The following ATF2 variants were observed in gnomAD, a reference collection of about 807,000 sequenced individuals.
ATF2 encodes activating transcription factor 2.
In ATF2, 24 loss-of-function variants were observed where a neutral mutation model predicts 60.6. The ratio of observed to expected loss-of-function variants is 0.40; its 90% confidence interval spans 0.29 to 0.56. The LOEUF is 0.56. Among genes scored for constraint, ATF2 ranks in the 20% least tolerant of loss-of-function variants. The probability of loss-of-function intolerance (pLI) is 0.54; values close to 1 mark genes in which losing one functional copy is unlikely to be tolerated. For missense variants in ATF2, 433 were observed against 607.7 expected (o/e 0.71, Z 3.02); for synonymous variants, 206 against 215.4 (o/e 0.96, Z 0.38).
intron 1 of ATF2, among the ~76,000 whole-genome samples, chr2:175,154,251 A>ATATTTT (rs879448060): frequency 2.7e-5 from 4 of 148,890 alleles, no homozygotes; most frequent in South Asian, 4.2e-4. Context: ...ATATATATAT[A>ATATTTT]TTTTTTACTT....
intron 7 of ATF2, among the ~76,000 whole-genome samples, chr2:175,117,665 G>A (rs1387453798): frequency 6.6e-6 from 1 of 151,918 alleles, no homozygotes; most frequent in African/African-American, 2.4e-5. Context: ...TTTTTGAATA[G>A]ATTCTTAATT....
intron 5 of ATF2, among the ~76,000 whole-genome samples, chr2:175,119,246 T>G (rs1453896621): frequency 6.6e-6 from 1 of 151,524 alleles, no homozygotes; most frequent in African/African-American, 2.4e-5. Context: ...TTGATTAGAG[T>G]TGGTAGCACA....
chr2:175,148,223 C>T (rs1020171909), intron 2 of ATF2, among the ~76,000 whole-genome samples: 7 of 152,042 alleles, frequency 4.6e-5, no homozygotes, highest in African/African-American at 1.7e-4. Context: ...TGAGTCCCAC[C>T]CCCTCTTTTT....
intron 10 of ATF2, among the ~76,000 whole-genome samples, chr2:175,111,119 A>G (rs1346336613): frequency 2.6e-5 from 4 of 152,192 alleles, no homozygotes; most frequent in Non-Finnish European, 5.9e-5. Context: ...ACACATCTAA[A>G]CATTAATTTA....
chr2:175,165,772 A>G (rs2105384035), intron 1 of ATF2, among the ~76,000 whole-genome samples: 1 of 152,256 alleles, frequency 6.6e-6, no homozygotes, highest in South Asian at 2.1e-4. Flanking sequence ...CAGGTTCAAC[A>G]GATTCTCCGC....
chr2:175,142,251 T>G lies in ATF2; in HGVS notation c.-43-5765A>C, dbSNP rs1283070156. Among the ~76,000 whole-genome samples the G allele has an allele frequency of 4.6e-5, 7 of 150,894 alleles. No individual in the cohort carries two copies. The East Asian group carries it at 1.4e-3, about 30-fold the overall frequency. On this transcript the variant is annotated intron_variant, in intron 2 of 13. Transcript: ENST00000264110. ...GCCCAGGCTGGAGTGCAATGTTGCG[T>G]CTCGGCTCACTGCAACCTCCGCCTG...
rs185605633 is a variant in ATF2, at chr2:175,130,445, T to C, written c.33-238A>G. On this transcript the variant is annotated intron_variant, in intron 3 of 13. Transcript: ENST00000264110. ...GAACACTGCTCTGTCAGGCAAACTT[T>C]TTCCTGCTCAACAGTGTAAAAGTAC... Among the ~76,000 whole-genome samples, 6 of 152,240 alleles carry C rather than the reference T, an allele frequency of 3.9e-5. No homozygotes were observed. In the East Asian group the frequency reaches 7.7e-4, roughly 20 times the overall value.
chr2:175,102,522 A>G (rs1200555386), intron 10 of ATF2, among the ~76,000 whole-genome samples: 5 of 152,210 alleles, frequency 3.3e-5, no homozygotes, highest in Admixed American at 6.5e-5. Context: ...CTGTAATCTC[A>G]GCACTTTGGG....
chr2:175,105,699 C>T (rs1695607369), intron 10 of ATF2, among the ~76,000 whole-genome samples: 1 of 152,116 alleles, frequency 6.6e-6, no homozygotes, highest in South Asian at 2.1e-4. Flanking sequence ...ACCAGCATAG[C>T]AATATCTACT....
intron 12 of ATF2, among the ~76,000 whole-genome samples, chr2:175,091,231 A>C (rs1023333870): frequency 1.3e-5 from 2 of 152,166 alleles, no homozygotes; most frequent in African/African-American, 2.4e-5. Flanking sequence ...CCTTGAATTG[A>C]CTGATTTATG....
rs1254065398 is a variant in ATF2, at chr2:175,072,583, A to G, written c.*2026T>C. Reference sequence around the variant, plus strand: ...CAAAGAACCTTAACTTGCATAAGTAATAAGATGAAAGAAAAATGTACTGAA... The same window carrying G: ...CAAAGAACCTTAACTTGCATAAGTAGTAAGATGAAAGAAAAATGTACTGAA... On this transcript the variant is annotated 3_prime_UTR_variant, in exon 14 of 14. Transcript: ENST00000264110. 4 of 152,168 alleles carry G rather than the reference A, an allele frequency of 2.6e-5. No homozygotes were observed. Among genetic ancestry groups the G allele is most frequent in the African/African-American group, 4.8e-5 (2 of 41,448 alleles). 9.4% of individuals were successfully genotyped at this position (152,168 alleles called of 1,614,324 possible).
At chr2:175,132,646 T>A in intron 3 of ATF2, 1 of 152,160 alleles carries the variant, frequency 6.6e-6, no homozygotes, top group East Asian at 1.9e-4. Context: ...TCTAGAAAAA[T>A]CTGCATAAGA....
At chr2:175,108,147 G>A (rs1374776779) in intron 10 of ATF2, among the ~76,000 whole-genome samples, 2 of 151,418 alleles carry the variant, frequency 1.3e-5, no homozygotes, top group East Asian at 2.0e-4. Flanking sequence ...GCCGCCCATC[G>A]TCTCAGATGT....
chr2:175,137,105 A>C (rs1378822496), intron 2 of ATF2, among the ~76,000 whole-genome samples: 1 of 152,198 alleles, frequency 6.6e-6, no homozygotes, highest in Non-Finnish European at 1.5e-5. Flanking sequence ...AATGGTGCAT[A>C]GAGGAAAATT....
At chr2:175,077,623 C>T (rs1377173226) in intron 13 of ATF2, among the ~76,000 whole-genome samples, 3 of 152,104 alleles carry the variant, frequency 2.0e-5, no homozygotes, top group African/African-American at 4.8e-5. Context: ...TAAATACATA[C>T]TGGAGTCAAC....
intron 12 of ATF2, among the ~76,000 whole-genome samples, chr2:175,089,824 T>C (rs1694421607): frequency 6.6e-6 from 1 of 152,146 alleles, no homozygotes; most frequent in African/African-American, 2.4e-5. Context: ...TGCTCTCAAT[T>C]CCCTCCTCAC....
In ATF2 at chr2:175,072,924, G is replaced by A. The variant is rs1231767539; in HGVS notation, c.*1685C>T. On this transcript the variant is annotated 3_prime_UTR_variant, in exon 14 of 14. Coordinates refer to ENST00000264110, the MANE Select transcript of ATF2 (RefSeq NM_001880.4). ...TCCCAGTTTGGAACTTAGGCAGGAG[G>A]GATATTTCCTTGAATTATCAAGGAT... 1 of 151,998 alleles carries A rather than the reference G, an allele frequency of 6.6e-6. No homozygotes were observed. The highest frequency in any genetic ancestry group is 6.6e-5 in the Admixed American group (1 of 15,230). 9.4% of individuals were successfully genotyped at this position (151,998 alleles called of 1,614,324 possible). A position where few individuals can be genotyped will look rare whatever the true frequency, so the allele number is the denominator to read the frequency against.
chr2:175,150,607 T>C (rs554422721), intron 2 of ATF2, among the ~76,000 whole-genome samples: 1 of 152,256 alleles, frequency 6.6e-6, no homozygotes, highest in South Asian at 2.1e-4. Flanking sequence ...GTTGATATCA[T>C]TCAATTAGAA....
chr2:175,110,337 A>AAATAAATAAATAAATAAATAAAT (rs1696090484), intron 10 of ATF2, among the ~76,000 whole-genome samples: 3 of 150,764 alleles, frequency 2.0e-5, no homozygotes, highest in Admixed American at 6.6e-5. Flanking sequence ...TCCATCTCAA[A>AAATAAATAAATAAATAAATAAAT]AAATAAATAA....
Sources: gnomAD v4.1 joint callset for allele counts (sites outside exome capture counted in the v4.1 genomes callset) on GRCh38, gnomAD v4.1.1 for gene constraint, MANE v1.5 for transcripts, NCBI Gene and HGNC (gene_info 2026-07-23, HGNC 2026-07-21) for gene names.